GLG1: variants seen among roughly 807,000 people sequenced by gnomAD.
The protein encoded by GLG1 is golgi glycoprotein 1.
A neutral mutation model predicts 160.5 loss-of-function variants in GLG1; 38 were observed. That is an observed-to-expected ratio of 0.24 (90% confidence interval 0.18 to 0.31). GLG1 has a LOEUF of 0.31. GLG1 is among the 10% of genes least tolerant of loss of function. The probability of loss-of-function intolerance (pLI) is 1.00; values close to 1 mark genes in which losing one functional copy is unlikely to be tolerated. For synonymous variants in GLG1, 644 were observed against 543.4 expected (o/e 1.19, Z -2.57); for missense variants, 1,373 against 1,505.2 (o/e 0.91, Z 1.45).
chr16:74,550,270 T>A (rs1471851840), intron 1 of GLG1, among the ~76,000 whole-genome samples: 1 of 150,490 alleles, frequency 6.6e-6, no homozygotes, highest in African/African-American at 2.4e-5. Flanking sequence ...ATGTTTAGAA[T>A]ATGTGTTTTC....
intron 1 of GLG1, among the ~76,000 whole-genome samples, chr16:74,554,997 C>A (rs1311732557): frequency 6.6e-6 from 1 of 152,188 alleles, no homozygotes; most frequent in Non-Finnish European, 1.5e-5. Flanking sequence ...ACCTGAGCGA[C>A]TGAGCAAAAC....
intron 5 of GLG1, among the ~76,000 whole-genome samples, chr16:74,495,905 T>G (rs1023534266): frequency 2.0e-5 from 3 of 152,214 alleles, no homozygotes; most frequent in Non-Finnish European, 4.4e-5. Context: ...ACCAATTTCT[T>G]CTTCCATTTC....
intron 4 of GLG1, among the ~76,000 whole-genome samples, chr16:74,502,103 T>A (rs557481810): frequency 6.6e-6 from 1 of 152,182 alleles, no homozygotes; most frequent in Non-Finnish European, 1.5e-5. Context: ...CTGCCAACCA[T>A]GAACAAATAG....
chr16:74,564,400 A>G (rs1490917030), intron 1 of GLG1, among the ~76,000 whole-genome samples: 1 of 152,228 alleles, frequency 6.6e-6, no homozygotes, highest in Non-Finnish European at 1.5e-5. Flanking sequence ...AGCATACTCC[A>G]AACTCTTAGT....
intron 1 of GLG1, among the ~76,000 whole-genome samples, chr16:74,570,881 C>T (rs548479195): frequency 6.6e-6 from 1 of 152,272 alleles, no homozygotes; most frequent in African/African-American, 2.4e-5. Context: ...GCATAAGACC[C>T]TGTCCGCCTA....
intron 2 of GLG1, among the ~76,000 whole-genome samples, chr16:74,524,205 T>C (rs1376574620): frequency 6.6e-6 from 1 of 151,832 alleles, no homozygotes; most frequent in Non-Finnish European, 1.5e-5. Context: ...CGACACTTCA[T>C]CTCAAAACAA....
At chr16:74,455,113 A>G (rs2014482944) in intron 25 of GLG1, among the ~76,000 whole-genome samples, 1 of 152,158 alleles carries the variant, frequency 6.6e-6, no homozygotes, top group South Asian at 2.1e-4. Flanking sequence ...ACTTGTGGAC[A>G]TTTATAATTT....
intron 2 of GLG1, among the ~76,000 whole-genome samples, chr16:74,530,993 C>T (rs2017514079): frequency 6.6e-6 from 1 of 152,254 alleles, no homozygotes. Context: ...TCCTTTTCAT[C>T]TGCATTGTGA....
intron 8 of GLG1, among the ~76,000 whole-genome samples, chr16:74,489,048 G>A (rs2015889033): frequency 6.6e-6 from 1 of 152,178 alleles, no homozygotes; most frequent in Non-Finnish European, 1.5e-5. Context: ...CTTTCAAGCT[G>A]AGTCACTAGT....
At chr16:74,521,749 C>T (rs1483238294) in intron 2 of GLG1, among the ~76,000 whole-genome samples, 2 of 152,182 alleles carry the variant, frequency 1.3e-5, no homozygotes, top group Non-Finnish European at 2.9e-5. Flanking sequence ...AGGAGGACAG[C>T]ATCAACTGTC....
At chr16:74,600,037 C>G (rs894235542) in intron 1 of GLG1, among the ~76,000 whole-genome samples, 2 of 151,338 alleles carry the variant, frequency 1.3e-5, no homozygotes, top group Middle Eastern at 3.4e-3. Context: ...CCGTCTTAAC[C>G]AAAAGCAAAA....
intron 1 of GLG1, among the ~76,000 whole-genome samples, chr16:74,549,561 C>A (rs1189023725): frequency 6.6e-6 from 1 of 152,238 alleles, no homozygotes; most frequent in African/African-American, 2.4e-5. Context: ...GCCAAGATTA[C>A]AGGCGTGAGC....
intron 1 of GLG1, among the ~76,000 whole-genome samples, chr16:74,573,830 G>C (rs2018908822): frequency 6.7e-6 from 1 of 149,774 alleles, no homozygotes; most frequent in African/African-American, 2.5e-5. Flanking sequence ...GTCTCACTCT[G>C]TCACCCAGAC....
chr16:74,551,458 C>T (rs2018195514), intron 1 of GLG1, among the ~76,000 whole-genome samples: 1 of 138,148 alleles, frequency 7.2e-6, no homozygotes, highest in Non-Finnish European at 1.5e-5. Context: ...GCGCACACCA[C>T]CATGTCTGGC....
At chr16:74,575,970 G>T (rs1325167848) in intron 1 of GLG1, among the ~76,000 whole-genome samples, 2 of 152,114 alleles carry the variant, frequency 1.3e-5, no homozygotes, top group Non-Finnish European at 2.9e-5. Flanking sequence ...GGAGGCCAAG[G>T]TGGCAGATCA....
intron 2 of GLG1, among the ~76,000 whole-genome samples, chr16:74,530,083 T>C (rs910886432): frequency 2.6e-5 from 4 of 152,054 alleles, no homozygotes; most frequent in Non-Finnish European, 4.4e-5. Flanking sequence ...GGATTACAGG[T>C]GTGGACTACT....
chr16:74,466,882 G>A (rs1027354442), intron 18 of GLG1, among the ~76,000 whole-genome samples: 3 of 152,190 alleles, frequency 2.0e-5, no homozygotes, highest in Non-Finnish European at 4.4e-5. Flanking sequence ...AAGAGACATG[G>A]AAGACGGACT....
rs377653187 is a variant in GLG1 at position 74,462,111 on chromosome 16, G to A, written c.3019C>T (p.Leu1007=). ...AATCCCACCTCGTCTGAGCAGTGCA[G>A]CTGGAGCTGAGGATCCAGGCGGTAG... ...LDYRLDPQLQ[L]HCSDEISSLC... The change falls in exon 22 of 26, where the codon CTG becomes TTG. Residue 1007 remains leucine (L), a synonymous_variant. Coordinates refer to ENST00000422840, the MANE Select transcript of GLG1 (RefSeq NM_001145667.2). The A allele has an allele frequency of 4.0e-5, 64 of 1,590,140 alleles. No individual in the cohort carries two copies. The highest frequency in any genetic ancestry group is 5.2e-5 in the Non-Finnish European group (60 of 1,158,384).
intron 25 of GLG1, among the ~76,000 whole-genome samples, chr16:74,454,260 C>T (rs2014438504): frequency 6.6e-6 from 1 of 151,828 alleles, no homozygotes; most frequent in South Asian, 2.1e-4. Context: ...GGTTGGTGTA[C>T]AGTGGTGCGA....
Sources: allele counts gnomAD v4.1 joint callset (sites outside exome capture counted in the v4.1 genomes callset), GRCh38; gene constraint gnomAD v4.1.1; transcripts MANE v1.5; gene names NCBI Gene and HGNC (gene_info 2026-07-23, HGNC 2026-07-21).